PCDH9: variants seen among roughly 807,000 people sequenced by gnomAD.
PCDH9 encodes protocadherin 9, also known as protocadherin-9.
In PCDH9, 24 loss-of-function variants were observed where a neutral mutation model predicts 70.6. That is an observed-to-expected ratio of 0.34 (90% CI 0.25 to 0.48). The LOEUF is 0.48. Among genes scored for constraint, PCDH9 ranks in the 20% least tolerant of loss-of-function variants. The probability of loss-of-function intolerance (pLI) is 0.99; values close to 1 mark genes in which losing one functional copy is unlikely to be tolerated. For synonymous variants in PCDH9, 562 were observed against 558.5 expected, an observed-to-expected ratio of 1.01 and a Z score of -0.09; for missense variants, 1,281 against 1,503.6, an observed-to-expected ratio of 0.85 and a Z score of 2.45.
chr13:67,139,942 T>A (rs1282717042), intron 2 of PCDH9, among the ~76,000 whole-genome samples: 1 of 151,890 alleles, frequency 6.6e-6, no homozygotes, highest in Non-Finnish European at 1.5e-5. Flanking sequence ...GATAGAATAG[T>A]TTTCTTTCTC....
intron 4 of PCDH9, among the ~76,000 whole-genome samples, chr13:66,482,583 C>T (rs917083451): frequency 1.3e-5 from 2 of 152,278 alleles, no homozygotes; most frequent in Non-Finnish European, 2.9e-5. Context: ...TACTGCTACC[C>T]CAAATACAGT....
chr13:66,741,333 G>T (rs1484680427), intron 3 of PCDH9, among the ~76,000 whole-genome samples: 1 of 13,552 alleles, frequency 7.4e-5, no homozygotes, highest in Non-Finnish European at 6.3e-3. Context: ...GTACTGATGG[G>T]ACATATCTCA....
intron 4 of PCDH9, among the ~76,000 whole-genome samples, chr13:66,558,214 A>C (rs1178240844): frequency 6.6e-6 from 1 of 152,194 alleles, no homozygotes; most frequent in African/African-American, 2.4e-5. Context: ...TTCATTACTA[A>C]ATTACATTAA....
intron 2 of PCDH9, among the ~76,000 whole-genome samples, chr13:66,944,977 T>C (rs2139689942): frequency 6.6e-6 from 1 of 152,156 alleles, no homozygotes; most frequent in South Asian, 2.1e-4. Flanking sequence ...CCCTAAAACC[T>C]GACTGCAGGA....
intron 3 of PCDH9, among the ~76,000 whole-genome samples, chr13:66,887,898 T>C (rs974135110): frequency 6.6e-6 from 1 of 152,216 alleles, no homozygotes; most frequent in African/African-American, 2.4e-5. Flanking sequence ...AAAGTCATAA[T>C]ATTGCTTTTA....
intron 2 of PCDH9, among the ~76,000 whole-genome samples, chr13:66,933,971 C>T (rs943170249): frequency 6.7e-6 from 1 of 150,260 alleles, no homozygotes; most frequent in African/African-American, 2.4e-5. Context: ...ATCTACTTAA[C>T]GTGTAATCAT....
At chr13:66,561,415 G>A (rs1219297247) in intron 4 of PCDH9, among the ~76,000 whole-genome samples, 1 of 152,220 alleles carries the variant, frequency 6.6e-6, no homozygotes, top group East Asian at 1.9e-4. Context: ...GCAGACACAA[G>A]GCACAGGACT....
intron 2 of PCDH9, among the ~76,000 whole-genome samples, chr13:67,047,888 C>T (rs545172624): frequency 3.3e-5 from 5 of 152,292 alleles, no homozygotes; most frequent in African/African-American, 1.2e-4. Context: ...GCACTCTACG[C>T]TACCAGTTTA....
intron 2 of PCDH9, among the ~76,000 whole-genome samples, chr13:67,101,222 C>T (rs2086426966): frequency 6.6e-6 from 1 of 152,154 alleles, no homozygotes; most frequent in Admixed American, 6.5e-5. Flanking sequence ...ACTTTAGATG[C>T]AATCTGATTA....
chr13:67,166,872 T>G (rs1413954455), intron 2 of PCDH9, among the ~76,000 whole-genome samples: 5 of 152,166 alleles, frequency 3.3e-5, no homozygotes, highest in African/African-American at 7.2e-5. Context: ...GAAATATTTT[T>G]TTCATTGGTA....
chr13:66,825,912 T>C (rs1173589405), intron 3 of PCDH9, among the ~76,000 whole-genome samples: 1 of 152,164 alleles, frequency 6.6e-6, no homozygotes, highest in Admixed American at 6.5e-5. Flanking sequence ...AAAAGAATGA[T>C]AGTTTTTTTT....
chr13:66,937,650 T>C (rs762022812), intron 2 of PCDH9, among the ~76,000 whole-genome samples: 13 of 152,276 alleles, frequency 8.5e-5, no homozygotes, highest in Admixed American at 5.9e-4. Flanking sequence ...CCTAACTTAG[T>C]AGTATATGCA....
intron 3 of PCDH9, among the ~76,000 whole-genome samples, chr13:66,691,364 G>T (rs976221001): frequency 1.3e-5 from 2 of 152,060 alleles, no homozygotes; most frequent in African/African-American, 2.4e-5. Flanking sequence ...ATTTTAAAGT[G>T]CTATGTACTT....
intron 4 of PCDH9, among the ~76,000 whole-genome samples, chr13:66,367,125 C>A (rs556446837): frequency 6.6e-6 from 1 of 151,986 alleles, no homozygotes; most frequent in East Asian, 1.9e-4. Context: ...CAATATTATT[C>A]ATATGTCTAC....
intron 2 of PCDH9, chr13:67,215,316 C>T (rs1566501037): frequency 6.6e-6 from 1 of 151,884 alleles, no homozygotes; most frequent in Non-Finnish European, 1.5e-5. Flanking sequence ...TATTATTTTG[C>T]TTCTTTTTAT....
rs567210818 is a variant in PCDH9, at chr13:66,847,656, C to A, written c.3138+55848G>T. 3.9e-5 allele frequency among the ~76,000 whole-genome samples: 6 copies of A among 152,264 alleles called. No individual in the cohort carries two copies. In the South Asian group the frequency reaches 6.2e-4, roughly 16 times the overall value. On this transcript the variant is annotated intron_variant, in intron 3 of 4. Transcript: ENST00000377865. ...ATTTTATGACGTCTTTTCGACATAT[C>A]TGAAGTGCCAGCATCACTACTCATG...
At chr13:66,479,503 G>C (rs1458320843) in intron 4 of PCDH9, among the ~76,000 whole-genome samples, 2 of 152,176 alleles carry the variant, frequency 1.3e-5, no homozygotes, top group Non-Finnish European at 2.9e-5. Flanking sequence ...GATCATTTGT[G>C]ACTCATGGGA....
At chr13:66,682,296 C>A (rs1369014742) in intron 3 of PCDH9, among the ~76,000 whole-genome samples, 5 of 152,022 alleles carry the variant, frequency 3.3e-5, no homozygotes, top group African/African-American at 1.2e-4. Context: ...TCACTTCAGG[C>A]AATATTACCT....
chr13:66,466,183 T>A (rs1287928737), intron 4 of PCDH9, among the ~76,000 whole-genome samples: 1 of 151,870 alleles, frequency 6.6e-6, no homozygotes, highest in African/African-American at 2.4e-5. Flanking sequence ...TATTTTTCTA[T>A]CCCTCCCTCC....
Sources: gnomAD v4.1 joint callset for allele counts (sites outside exome capture counted in the v4.1 genomes callset) on GRCh38, gnomAD v4.1.1 for gene constraint, MANE v1.5 for transcripts, NCBI Gene and HGNC (gene_info 2026-07-23, HGNC 2026-07-21) for gene names.